ZNF385D: variants seen among roughly 807,000 people sequenced by gnomAD.
The protein encoded by ZNF385D is zinc finger protein 385D, also known as zinc finger protein 659.
In ZNF385D, 15 loss-of-function variants were observed where a neutral mutation model predicts 35.8. The ratio of observed to expected loss-of-function variants is 0.42; its 90% CI spans 0.28 to 0.64. The LOEUF (loss-of-function observed/expected upper bound fraction) is 0.64. Ranked by LOEUF, ZNF385D falls within the 30% of genes least tolerant of loss-of-function variation. ZNF385D has a pLI of 0.23. For missense variants in ZNF385D, 474 were observed against 494.6 expected, an observed-to-expected ratio of 0.96 and a Z score of 0.39; for synonymous variants, 212 against 186.8, an observed-to-expected ratio of 1.13 and a Z score of -1.10.
At chr3:22,169,098 T>A in intron 2 of ZNF385D, 1 of 768,976 alleles carries the variant, frequency 1.3e-6, no homozygotes, top group Non-Finnish European at 1.6e-6. Context: ...GCATATTTAT[T>A]AAATTGGGTG....
At chr3:21,422,752 A>G (rs1700802160) in intron 7 of ZNF385D, among the ~76,000 whole-genome samples, 2 of 152,222 alleles carry the variant, frequency 1.3e-5, no homozygotes, top group African/African-American at 4.8e-5. Flanking sequence ...TGATTATCTC[A>G]ATGGATGCAG....
At chr3:21,810,205 G>A (rs1346571155) in intron 3 of ZNF385D, among the ~76,000 whole-genome samples, 1 of 152,018 alleles carries the variant, frequency 6.6e-6, no homozygotes, top group East Asian at 1.9e-4. Context: ...ATCAATTAGG[G>A]TTTCTTCTAG....
At chr3:21,787,896 C>G (rs889164808) in intron 3 of ZNF385D, among the ~76,000 whole-genome samples, 22 of 134,186 alleles carry the variant, frequency 1.6e-4, no homozygotes, top group Non-Finnish European at 3.0e-4. Context: ...GAGGCGAGAT[C>G]GAGCCACTGC....
intron 3 of ZNF385D, among the ~76,000 whole-genome samples, chr3:22,044,015 A>G (rs1698833023): frequency 6.6e-6 from 1 of 152,148 alleles, no homozygotes; most frequent in Non-Finnish European, 1.5e-5. Context: ...AAATATTCTC[A>G]GATCTTTAAA....
intron 3 of ZNF385D, among the ~76,000 whole-genome samples, chr3:22,032,971 T>A (rs1409192172): frequency 2.6e-5 from 4 of 152,088 alleles, no homozygotes; most frequent in Non-Finnish European, 2.9e-5. Flanking sequence ...TTGATCTGCA[T>A]CATTCCGTTA....
chr3:22,086,093 A>G (rs1311483185), intron 3 of ZNF385D, among the ~76,000 whole-genome samples: 3 of 152,216 alleles, frequency 2.0e-5, no homozygotes. Flanking sequence ...CATAGCCCAT[A>G]TCATACTGCA....
intron 3 of ZNF385D, among the ~76,000 whole-genome samples, chr3:22,162,627 C>T (rs529384635): frequency 6.6e-6 from 1 of 152,164 alleles, no homozygotes. Flanking sequence ...GACTCCACCC[C>T]CCTTGCACTA....
intron 2 of ZNF385D, among the ~76,000 whole-genome samples, chr3:21,636,364 TTATATATATATGATTATATATA>T (rs1409465213): frequency 8.8e-6 from 1 of 113,918 alleles, no homozygotes; most frequent in Non-Finnish European, 1.8e-5. Flanking sequence ...TTATATATGA[TTATATATATATGATTATATATA>T]TATATATATA....
chr3:22,171,186 T>A (rs1384331811), intron 2 of ZNF385D, among the ~76,000 whole-genome samples: 1 of 152,184 alleles, frequency 6.6e-6, no homozygotes, highest in East Asian at 1.9e-4. Flanking sequence ...CAGCTTAGGT[T>A]TGCCAGAATT....
intron 2 of ZNF385D, among the ~76,000 whole-genome samples, chr3:22,371,638 C>T (rs12495442): frequency 2.6e-5 from 4 of 152,118 alleles, no homozygotes; most frequent in South Asian, 4.1e-4. Context: ...TCCTCTGACC[C>T]AAATTCATAC....
At position 21,564,618 on chromosome 3, in the gene ZNF385D, G is replaced by T; in HGVS notation, c.232C>A (p.Gln78Lys). 1 of 1,570,248 alleles carries T rather than the reference G, an allele frequency of 6.4e-7. No homozygotes were observed. ...TGGCAAATGTTGCATGATATGATTTGCTTTCTTCGGTGGGGAAGAGGAACC... is the reference window on the plus strand; with the variant it reads ...TGGCAAATGTTGCATGATATGATTTTCTTTCTTCGGTGGGGAAGAGGAACC... ...FGVPLPHRRK[Q>K]IISCNICQLR... The change falls in exon 3 of 8, where the codon CAA becomes AAA. Residue 78 changes from glutamine to lysine, a missense_variant. Gln to Lys is a moderately conservative substitution (Grantham distance 53). Coordinates refer to ENST00000281523, the MANE Select transcript of ZNF385D (RefSeq NM_024697.3).
intron 3 of ZNF385D, among the ~76,000 whole-genome samples, chr3:21,772,043 T>C (rs1038111196): frequency 2.0e-5 from 3 of 151,870 alleles, no homozygotes; most frequent in African/African-American, 7.2e-5. Flanking sequence ...AGAATGTAAA[T>C]GGACTGTTAT....
intron 3 of ZNF385D, among the ~76,000 whole-genome samples, chr3:21,801,677 C>A (rs1261205841): frequency 6.6e-6 from 1 of 152,124 alleles, no homozygotes; most frequent in African/African-American, 2.4e-5. Flanking sequence ...TAAACTCACG[C>A]AGCTGATATG....
intron 2 of ZNF385D, among the ~76,000 whole-genome samples, chr3:22,269,593 G>A (rs936733084): frequency 1.3e-5 from 2 of 151,902 alleles, no homozygotes; most frequent in Admixed American, 6.6e-5. Context: ...GGATATAAAT[G>A]ATACTCCAAG....
chr3:22,333,050 T>G (rs1326717832), intron 2 of ZNF385D, among the ~76,000 whole-genome samples: 1 of 152,174 alleles, frequency 6.6e-6, no homozygotes, highest in Non-Finnish European at 1.5e-5. Flanking sequence ...TATTTTACCT[T>G]AAGTCCTGAA....
intron 3 of ZNF385D, among the ~76,000 whole-genome samples, chr3:22,104,708 C>T (rs1234727861): frequency 6.6e-6 from 1 of 151,994 alleles, no homozygotes; most frequent in Non-Finnish European, 1.5e-5. Context: ...AAAAATGGTT[C>T]CAATCAAAAG....
intron 3 of ZNF385D, among the ~76,000 whole-genome samples, chr3:22,026,703 G>C (rs1418030123): frequency 2.0e-5 from 3 of 152,148 alleles, no homozygotes; most frequent in Non-Finnish European, 4.4e-5. Flanking sequence ...ATTATGGTGG[G>C]AAAGGCCAAA....
intron 3 of ZNF385D, among the ~76,000 whole-genome samples, chr3:21,863,642 GGTCTACTGAATA>G (rs2125833809): frequency 6.6e-6 from 1 of 152,172 alleles, no homozygotes; most frequent in Admixed American, 6.5e-5. Flanking sequence ...AACTATGGAA[GGTCTACTGAATA>G]GTGGAAGAAA....
chr3:22,344,624 G>A (rs1695574741), intron 2 of ZNF385D, among the ~76,000 whole-genome samples: 1 of 151,946 alleles, frequency 6.6e-6, no homozygotes, highest in Non-Finnish European at 1.5e-5. Context: ...GTTTTGCCAT[G>A]TTGCTCAGGC....
Sources: allele counts gnomAD v4.1 joint callset (sites outside exome capture counted in the v4.1 genomes callset), GRCh38; gene constraint gnomAD v4.1.1; transcripts MANE v1.5; gene names NCBI Gene and HGNC (gene_info 2026-07-23, HGNC 2026-07-21).